Variants in PACRG observed in about 807,000 individuals in gnomAD.
The protein encoded by PACRG is parkin coregulated gene protein.
In PACRG, 29 loss-of-function variants were observed where a neutral mutation model predicts 29.7. The ratio of observed to expected loss-of-function variants is 0.98; its 90% confidence interval spans 0.73 to 1.33. The LOEUF (loss-of-function observed/expected upper bound fraction) is 1.33, where lower values mean the gene tolerates loss of function less well. PACRG is among the 40% of genes most tolerant of loss of function. The pLI, the probability that PACRG is intolerant of heterozygous loss-of-function variation, is 0.00. For synonymous variants in PACRG, 116 were observed against 118.7 expected (o/e 0.98, Z 0.15); for missense variants, 279 against 316.2 (o/e 0.88, Z 0.89).
intron 2 of PACRG, among the ~76,000 whole-genome samples, chr6:162,952,459 T>C (rs200840942): frequency 3.9e-5 from 6 of 152,184 alleles, no homozygotes; most frequent in Non-Finnish European, 2.9e-5. Context: ...AATTGGGTGG[T>C]TCAATAGATA....
chr6:162,842,507 G>T (rs1374212746), intron 2 of PACRG, among the ~76,000 whole-genome samples: 1 of 151,906 alleles, frequency 6.6e-6, no homozygotes, highest in Non-Finnish European at 1.5e-5. Flanking sequence ...CATGAGATGG[G>T]TTTCCTGAAT....
intron 2 of PACRG, among the ~76,000 whole-genome samples, chr6:162,967,781 G>C (rs929150886): frequency 6.6e-6 from 1 of 151,914 alleles, no homozygotes; most frequent in Non-Finnish European, 1.5e-5. Flanking sequence ...TGCTAGGATT[G>C]AACTTTCTCT....
At chr6:162,813,085 A>G (rs1787018923) in intron 1 of PACRG, among the ~76,000 whole-genome samples, 1 of 151,900 alleles carries the variant, frequency 6.6e-6, no homozygotes, top group Admixed American at 6.6e-5. Context: ...GATACAATGT[A>G]TTTTTCATAT....
intron 2 of PACRG, among the ~76,000 whole-genome samples, chr6:162,873,313 A>G (rs892154973): frequency 6.6e-6 from 1 of 152,162 alleles, no homozygotes; most frequent in African/African-American, 2.4e-5. Flanking sequence ...TCCTAATAAA[A>G]TACAGATTGA....
In PACRG at chr6:163,238,709, T is replaced by A. The variant is rs561343420; in HGVS notation, c.614-76118T>A. On this transcript the variant is annotated intron_variant, in intron 4 of 4. Coordinates refer to ENST00000366888, the MANE Select transcript of PACRG (RefSeq NM_001080379.2). ...ACTTTCGTAGTCTTGATTCTTAGACTTTGAATAACTCTTCTTTGAGTTCTA... is the reference window on the plus strand; with the variant it reads ...ACTTTCGTAGTCTTGATTCTTAGACATTGAATAACTCTTCTTTGAGTTCTA... Among the ~76,000 whole-genome samples, 14 of 152,376 alleles carry A rather than the reference T, an allele frequency of 9.2e-5. No homozygotes were observed. In the South Asian group the frequency reaches 2.7e-3, roughly 29 times the overall value.
intron 4 of PACRG, among the ~76,000 whole-genome samples, chr6:163,199,871 C>T (rs9458743): frequency 0.37 from 56,559 of 151,978 alleles, 11,174 homozygotes; most frequent in African/African-American, 0.5. Flanking sequence ...TAGATAGCTA[C>T]AAACACAAAT....
rs893802527 is a variant in PACRG, at chr6:162,769,493, G to A, written c.156+41102G>A. Among the ~76,000 whole-genome samples, 53 of 151,994 alleles carry A rather than the reference G, an allele frequency of 3.5e-4. 1 individual carries two copies. Among genetic ancestry groups the A allele is most frequent in the Non-Finnish European group, 6.9e-4 (47 of 67,970 alleles). On this transcript the variant is annotated intron_variant, in intron 1 of 4. Coordinates refer to ENST00000366888, the MANE Select transcript of PACRG (RefSeq NM_001080379.2). ...AGGACTAAGTAGTCTTAGGCATAGG[G>A]CTCAGCTTTTTAAACCTACCTTGAT... is the stretch of plus-strand genomic sequence containing the variant.
chr6:163,175,397 T>C (rs150642430), intron 4 of PACRG, among the ~76,000 whole-genome samples: 415 of 151,900 alleles, frequency 2.7e-3, no homozygotes, highest in African/African-American at 8.7e-3. Context: ...ATGCATTCAT[T>C]TGGGGTTGGC....
At chr6:162,791,708 C>T (rs1312951175) in intron 1 of PACRG, among the ~76,000 whole-genome samples, 2 of 152,162 alleles carry the variant, frequency 1.3e-5, no homozygotes, top group Non-Finnish European at 2.9e-5. Context: ...AAATATATAG[C>T]ATCCCATCAA....
At chr6:162,808,784 G>A (rs148350978) in intron 1 of PACRG, among the ~76,000 whole-genome samples, 59 of 152,074 alleles carry the variant, frequency 3.9e-4, no homozygotes, top group African/African-American at 1.0e-3. Context: ...CACAAATCTC[G>A]TTTGATTTAT....
intron 2 of PACRG, among the ~76,000 whole-genome samples, chr6:162,887,216 G>A (rs1469391050): frequency 6.6e-6 from 1 of 152,180 alleles, no homozygotes; most frequent in Non-Finnish European, 1.5e-5. Flanking sequence ...GCCTCCCAAA[G>A]TGCTGCAATT....
At chr6:162,928,663 C>T (rs980500503) in intron 2 of PACRG, among the ~76,000 whole-genome samples, 3 of 151,910 alleles carry the variant, frequency 2.0e-5, no homozygotes, top group South Asian at 2.1e-4. Flanking sequence ...TGCAATAGAT[C>T]GTTGTATGCT....
At chr6:162,750,193 A>G (rs1781413119) in intron 1 of PACRG, among the ~76,000 whole-genome samples, 1 of 152,292 alleles carries the variant, frequency 6.6e-6, no homozygotes, top group South Asian at 2.1e-4. Flanking sequence ...AGTCTTTCAC[A>G]TTTTATAAGA....
chr6:162,892,473 A>T (rs540219993), intron 2 of PACRG, among the ~76,000 whole-genome samples: 2 of 152,282 alleles, frequency 1.3e-5, no homozygotes, highest in South Asian at 4.1e-4. Context: ...TGAAAATTTG[A>T]TAACCTTTCC....
intron 4 of PACRG, among the ~76,000 whole-genome samples, chr6:163,227,578 A>G (rs1045239300): frequency 2.0e-5 from 3 of 152,210 alleles, no homozygotes; most frequent in Non-Finnish European, 4.4e-5. Flanking sequence ...TTCATGAAGG[A>G]GCAGAGCCAG....
chr6:162,984,535 G>T (rs1378386095), intron 2 of PACRG, among the ~76,000 whole-genome samples: 1 of 152,046 alleles, frequency 6.6e-6, no homozygotes, highest in African/African-American at 2.4e-5. Flanking sequence ...TAGATACCTA[G>T]TAGTGGGATT....
chr6:163,294,597 T>A (rs998132007), intron 4 of PACRG, among the ~76,000 whole-genome samples: 2 of 152,208 alleles, frequency 1.3e-5, no homozygotes, highest in Non-Finnish European at 2.9e-5. Context: ...TCTTTTATAG[T>A]AAATTTTCTG....
At chr6:163,078,908 G>T (rs907326046) in intron 3 of PACRG, among the ~76,000 whole-genome samples, 1 of 151,784 alleles carries the variant, frequency 6.6e-6, no homozygotes, top group Non-Finnish European at 1.5e-5. Context: ...TTGCTGTGCC[G>T]CTTTGAACAT....
At chr6:163,165,985 C>A (rs1778786161) in intron 4 of PACRG, 1 of 412,036 alleles carries the variant, frequency 2.4e-6, no homozygotes, top group South Asian at 1.7e-5. Flanking sequence ...TAATATAATA[C>A]AATTTCTCTT....
Sources: allele counts gnomAD v4.1 joint callset (sites outside exome capture counted in the v4.1 genomes callset), GRCh38; gene constraint gnomAD v4.1.1; transcripts MANE v1.5; gene names NCBI Gene and HGNC (gene_info 2026-07-23, HGNC 2026-07-21).